FGGY: variants seen among roughly 807,000 people sequenced by gnomAD.
The protein encoded by FGGY is FGGY carbohydrate kinase domain-containing protein.
Under a neutral mutation model 71.3 loss-of-function variants are expected in FGGY, and 72 were observed. That is an observed-to-expected ratio of 1.01 (90% CI 0.84 to 1.23). The LOEUF is 1.23. Among genes scored for constraint, FGGY ranks in the 50% most tolerant of loss-of-function variants. FGGY has a pLI of 0.00. For synonymous variants in FGGY, 251 were observed against 250.3 expected (o/e 1.00, Z -0.02); for missense variants, 668 against 682.3 (o/e 0.98, Z 0.23).
chr1:59,350,561 A>C (rs936606149), intron 4 of FGGY, among the ~76,000 whole-genome samples: 2 of 152,170 alleles, frequency 1.3e-5, no homozygotes, highest in Admixed American at 6.6e-5. Flanking sequence ...GGGGTGCTTC[A>C]GCAAGCATAG....
intron 14 of FGGY, among the ~76,000 whole-genome samples, chr1:59,675,132 C>T (rs1020372829): frequency 2.0e-5 from 3 of 152,120 alleles, no homozygotes; most frequent in Non-Finnish European, 4.4e-5. Context: ...ATGCCAGAAT[C>T]AAGAAGTCTG....
intron 1 of FGGY, among the ~76,000 whole-genome samples, chr1:59,321,136 A>G (rs538884412): frequency 1.2e-4 from 18 of 152,298 alleles, no homozygotes; most frequent in African/African-American, 4.1e-4. Context: ...TAGGAGGACA[A>G]GGTTCCTTTT....
chr1:59,344,234 G>GGCAAACCA (rs146517989), intron 3 of FGGY, among the ~76,000 whole-genome samples: 3,278 of 151,962 alleles, frequency 0.022, 135 homozygotes, highest in African/African-American at 0.076. Context: ...TTTCCAGTTA[G>GGCAAACCA]GCAACTGAGC....
At chr1:59,296,768 C>G (rs1471853708), upstream of FGGY, 1 of 152,764 alleles carries the variant, frequency 6.5e-6, no homozygotes, top group Non-Finnish European at 1.5e-5. Flanking sequence ...TTTACAGGGG[C>G]CGCGCCGGCG....
In FGGY at chr1:59,757,999, G is replaced by T. The variant is rs772597325; in HGVS notation, c.1574+7G>T. ...CGAGACTACAGGATAAAAAGTAAGT[G>T]TGTATTTTTTATATGTACAGTGCTA... On this transcript the variant is annotated splice_region_variant and intron_variant, in intron 15 of 15. Transcript: ENST00000303721. 2 of 1,608,110 alleles carry T rather than the reference G, an allele frequency of 1.2e-6. No individual in the cohort carries two copies. The highest frequency in any genetic ancestry group is 2.2e-5 in the East Asian group (1 of 44,800).
chr1:59,326,234 C>A (rs1164506659), intron 2 of FGGY, among the ~76,000 whole-genome samples: 1 of 152,150 alleles, frequency 6.6e-6, no homozygotes, highest in Non-Finnish European at 1.5e-5. Context: ...GAGACGTATA[C>A]AAGAAGTCTG....
At chr1:59,392,662 G>C (rs1391868836) in intron 5 of FGGY, among the ~76,000 whole-genome samples, 2 of 152,216 alleles carry the variant, frequency 1.3e-5, no homozygotes, top group East Asian at 3.9e-4. Flanking sequence ...TTAAAATGCT[G>C]TACCCTTTCC....
chr1:59,538,504 A>G (rs1268082183), intron 7 of FGGY, among the ~76,000 whole-genome samples: 1 of 150,240 alleles, frequency 6.7e-6, no homozygotes. Flanking sequence ...GTATATACCC[A>G]AAGGACTATA....
At chr1:59,707,462 T>G (rs947662370) in intron 14 of FGGY, among the ~76,000 whole-genome samples, 1 of 152,194 alleles carries the variant, frequency 6.6e-6, no homozygotes, top group Non-Finnish European at 1.5e-5. Flanking sequence ...ACAGGGGCAG[T>G]AGGCCCGGAG....
At chr1:59,403,544 A>G (rs1187807036) in intron 5 of FGGY, among the ~76,000 whole-genome samples, 2 of 152,196 alleles carry the variant, frequency 1.3e-5, no homozygotes, top group Non-Finnish European at 2.9e-5. Context: ...CAAGATAGGA[A>G]GTGACTGAAC....
intron 5 of FGGY, among the ~76,000 whole-genome samples, chr1:59,408,026 T>G (rs934747439): frequency 6.6e-6 from 1 of 152,240 alleles, no homozygotes; most frequent in Non-Finnish European, 1.5e-5. Flanking sequence ...GAATATTTCT[T>G]TGTTCTCATA....
rs755642100 is a variant in FGGY at position 59,457,108 on chromosome 1, T to G, written c.670+32T>G. ...GAATAAAACATCTGTAGAGTGATTA[T>G]GTGCATTGGAGGATCTTGATGGGTT... On this transcript the variant is annotated intron_variant, in intron 6 of 15. Transcript: ENST00000303721. 4.1e-6 allele frequency: 6 copies of G among 1,465,640 alleles called. No individual in the cohort carries two copies. In the East Asian group the frequency reaches 1.4e-4, roughly 33 times the overall value. 90.8% of individuals were successfully genotyped at this position (1,465,640 alleles called of 1,614,324 possible). A position where few individuals can be genotyped will look rare whatever the true frequency, so the allele number is the denominator to read the frequency against.
At chr1:59,634,041 G>T (rs115610842) in intron 10 of FGGY, among the ~76,000 whole-genome samples, 354 of 152,264 alleles carry the variant, frequency 2.3e-3, no homozygotes, top group African/African-American at 8.0e-3. Context: ...AACAAAGAGG[G>T]TATTGTTCCT....
intron 15 of FGGY, among the ~76,000 whole-genome samples, chr1:59,762,159 G>A (rs942011517): frequency 1.0e-4 from 15 of 148,492 alleles, no homozygotes; most frequent in African/African-American, 3.5e-4. Context: ...AACGGGGGAC[G>A]GTTCACTGCA....
At chr1:59,559,077 C>A (rs1453681762) in intron 8 of FGGY, among the ~76,000 whole-genome samples, 1 of 152,182 alleles carries the variant, frequency 6.6e-6, no homozygotes. Flanking sequence ...TTCAAACACA[C>A]ATCTTTTACA....
chr1:59,666,118 C>G (rs775409207), intron 12 of FGGY, among the ~76,000 whole-genome samples: 1 of 152,212 alleles, frequency 6.6e-6, no homozygotes, highest in Non-Finnish European at 1.5e-5. Flanking sequence ...CTCATGCCTT[C>G]TTCTTGGTGG....
rs534694169 is a variant in FGGY at position 59,506,597 on chromosome 1, G to A, written c.671-5714G>A. 1.1e-4 allele frequency among the ~76,000 whole-genome samples: 16 copies of A among 152,280 alleles called. No individual in the cohort carries two copies. The South Asian group carries it at 1.7e-3, about 16-fold the overall frequency. Reference sequence around the variant, plus strand: ...GTGGATCACTTGAGGTCAGGAGTTCGAGACCAGTCTGGCCAACATGGCGAA... The same window carrying A: ...GTGGATCACTTGAGGTCAGGAGTTCAAGACCAGTCTGGCCAACATGGCGAA... On this transcript the variant is annotated intron_variant, in intron 6 of 15. Coordinates refer to ENST00000303721, the MANE Select transcript of FGGY (RefSeq NM_018291.5).
intron 12 of FGGY, among the ~76,000 whole-genome samples, chr1:59,663,170 G>A (rs2097293439): frequency 6.6e-6 from 1 of 152,186 alleles, no homozygotes; most frequent in Non-Finnish European, 1.5e-5. Flanking sequence ...CTGTAACCCT[G>A]TAAGTAGGTG....
intron 5 of FGGY, among the ~76,000 whole-genome samples, chr1:59,430,604 C>T (rs1308362434): frequency 2.0e-5 from 3 of 152,034 alleles, no homozygotes; most frequent in African/African-American, 7.2e-5. Context: ...TGAGACTTTG[C>T]CCAGCTGCCT....
Sources: gnomAD v4.1 joint callset for allele counts (sites outside exome capture counted in the v4.1 genomes callset) on GRCh38, gnomAD v4.1.1 for gene constraint, MANE v1.5 for transcripts, NCBI Gene and HGNC (gene_info 2026-07-23, HGNC 2026-07-21) for gene names.